PCDH9: variants seen among roughly 807,000 people sequenced by gnomAD.
PCDH9 encodes the protein protocadherin 9.
Under a neutral mutation model 70.6 loss-of-function variants are expected in PCDH9, and 24 were observed. That is an observed-to-expected ratio of 0.34 (90% CI 0.25 to 0.48). The LOEUF is 0.48. Ranked by LOEUF, PCDH9 falls within the 20% of genes least tolerant of loss-of-function variation. The pLI is 0.99. For missense variants in PCDH9, 1,281 were observed against 1,503.6 expected, an observed-to-expected ratio of 0.85 and a Z score of 2.45; for synonymous variants, 562 against 558.5, an observed-to-expected ratio of 1.01 and a Z score of -0.09.
chr13:66,325,940 C>T (rs1383225259), intron 4 of PCDH9, among the ~76,000 whole-genome samples: 3 of 152,148 alleles, frequency 2.0e-5, no homozygotes, highest in African/African-American at 7.2e-5. Context: ...TTCCCACCTC[C>T]TATTCAGAAA....
intron 2 of PCDH9, among the ~76,000 whole-genome samples, chr13:67,178,236 T>C (rs1594618381): frequency 1.3e-5 from 2 of 152,100 alleles, no homozygotes; most frequent in African/African-American, 4.8e-5. Context: ...AAAAAGATAC[T>C]ATGAAAGTTA....
chr13:67,170,579 A>G (rs1209295946), intron 2 of PCDH9, among the ~76,000 whole-genome samples: 4 of 152,206 alleles, frequency 2.6e-5, no homozygotes, highest in African/African-American at 7.2e-5. Context: ...TTAGAATGCT[A>G]TAATATAATA....
intron 2 of PCDH9, chr13:67,216,709 G>C (rs9571738): frequency 2.0e-5 from 1 of 49,378 alleles, no homozygotes; most frequent in Non-Finnish European, 4.7e-5. Context: ...TATATATATG[G>C]ATATATATAC....
chr13:66,337,252 CT>C (rs1956052089), intron 4 of PCDH9, among the ~76,000 whole-genome samples: 1 of 151,968 alleles, frequency 6.6e-6, no homozygotes, highest in Admixed American at 6.6e-5. Context: ...AATTATAAAA[CT>C]TTCCATTCAA....
intron 3 of PCDH9, among the ~76,000 whole-genome samples, chr13:66,848,080 T>A (rs2081244731): frequency 6.6e-6 from 1 of 152,138 alleles, no homozygotes; most frequent in Non-Finnish European, 1.5e-5. Flanking sequence ...GAAACACCAA[T>A]CTCCTGTATT....
At chr13:66,388,859 A>G (rs1011715256) in intron 4 of PCDH9, among the ~76,000 whole-genome samples, 3 of 152,186 alleles carry the variant, frequency 2.0e-5, no homozygotes, top group Non-Finnish European at 2.9e-5. Context: ...CAGAATATGT[A>G]CACAGTAGGT....
At chr13:66,758,969 T>C (rs1196701484) in intron 3 of PCDH9, among the ~76,000 whole-genome samples, 1 of 152,068 alleles carries the variant, frequency 6.6e-6, no homozygotes, top group Non-Finnish European at 1.5e-5. Context: ...TTAATTATAA[T>C]ATCTCCCTTT....
intron 4 of PCDH9, among the ~76,000 whole-genome samples, chr13:66,534,603 T>TG (rs535610854): frequency 6.2e-4 from 95 of 152,186 alleles, no homozygotes; most frequent in African/African-American, 2.2e-3. Flanking sequence ...CATATAAATT[T>TG]GGGGGGACAC....
At chr13:67,020,902 G>C (rs778354017) in intron 2 of PCDH9, among the ~76,000 whole-genome samples, 3 of 152,132 alleles carry the variant, frequency 2.0e-5, no homozygotes, top group Non-Finnish European at 4.4e-5. Context: ...TGAGATTTCT[G>C]TTGGTAGTTA....
At chr13:66,471,108 C>G (rs1958611616) in intron 4 of PCDH9, among the ~76,000 whole-genome samples, 1 of 151,854 alleles carries the variant, frequency 6.6e-6, no homozygotes, top group Non-Finnish European at 1.5e-5. Flanking sequence ...GAACGCTTGC[C>G]TAGAGCTTTA....
At chr13:67,139,155 C>T (rs2087309326) in intron 2 of PCDH9, among the ~76,000 whole-genome samples, 1 of 152,182 alleles carries the variant, frequency 6.6e-6, no homozygotes, top group Non-Finnish European at 1.5e-5. Flanking sequence ...TGAATTCTGT[C>T]AAATCACCCA....
chr13:67,015,640 A>G (rs2084545958), intron 2 of PCDH9, among the ~76,000 whole-genome samples: 1 of 152,180 alleles, frequency 6.6e-6, no homozygotes, highest in African/African-American at 2.4e-5. Context: ...AATAGAACAT[A>G]CATTGAACAG....
intron 4 of PCDH9, among the ~76,000 whole-genome samples, chr13:66,456,613 C>T (rs1190582052): frequency 6.6e-6 from 1 of 152,068 alleles, no homozygotes; most frequent in African/African-American, 2.4e-5. Context: ...TATTAAAACT[C>T]GACTCTGAAT....
intron 2 of PCDH9, 75 bp from the exon 3 acceptor site, chr13:66,903,680 C>T: frequency 1.6e-6 from 1 of 636,766 alleles, no homozygotes; most frequent in South Asian, 1.9e-5. Flanking sequence ...TGGCTGTTTG[C>T]TATGAGCCTA....
At chr13:66,648,597 C>A (rs1323391276) in intron 3 of PCDH9, among the ~76,000 whole-genome samples, 2 of 152,102 alleles carry the variant, frequency 1.3e-5, no homozygotes, top group Admixed American at 1.3e-4. Flanking sequence ...GCCTTTCCAA[C>A]AAGGATGGGT....
At chr13:66,604,696 G>A (rs2077201865) in intron 4 of PCDH9, among the ~76,000 whole-genome samples, 1 of 151,962 alleles carries the variant, frequency 6.6e-6, no homozygotes, top group Admixed American at 6.6e-5. Flanking sequence ...AATGAGAACT[G>A]AATGTAGTAT....
At chr13:66,321,536 C>T (rs1458552761) in intron 4 of PCDH9, among the ~76,000 whole-genome samples, 1 of 151,620 alleles carries the variant, frequency 6.6e-6, no homozygotes, top group Admixed American at 6.6e-5. Flanking sequence ...TTTGAAAGTG[C>T]GTTGTTTGGC....
intron 4 of PCDH9, among the ~76,000 whole-genome samples, chr13:66,514,349 G>T (rs1959628749): frequency 6.6e-6 from 1 of 151,942 alleles, no homozygotes; most frequent in South Asian, 2.1e-4. Context: ...GACTTGGTTT[G>T]TATAAAATAA....
chr13:66,796,913 G>A (rs915068183), intron 3 of PCDH9, among the ~76,000 whole-genome samples: 1 of 152,048 alleles, frequency 6.6e-6, no homozygotes, highest in South Asian at 2.1e-4. Context: ...GATTTCTGTG[G>A]CAGATGAAGA....
Sources: gnomAD v4.1 joint callset for allele counts (sites outside exome capture counted in the v4.1 genomes callset) on GRCh38, gnomAD v4.1.1 for gene constraint, MANE v1.5 for transcripts, NCBI Gene and HGNC (gene_info 2026-07-23, HGNC 2026-07-21) for gene names.